The following CLYBL variants were observed in gnomAD, a reference collection of about 807,000 sequenced individuals.
CLYBL encodes the protein citramalyl-CoA lyase, mitochondrial.
A neutral mutation model predicts 38.9 loss-of-function variants in CLYBL; 31 were observed. The ratio of observed to expected loss-of-function variants is 0.80; its 90% CI spans 0.60 to 1.08. The LOEUF (loss-of-function observed/expected upper bound fraction) is 1.08, where lower values mean the gene tolerates loss of function less well. CLYBL is among the 50% of genes least tolerant of loss of function. The pLI, the probability that CLYBL is intolerant of heterozygous loss-of-function variation, is 0.00. For missense variants in CLYBL, 434 were observed against 411.6 expected, an observed-to-expected ratio of 1.05 and a Z score of -0.47; for synonymous variants, 171 against 158.6, an observed-to-expected ratio of 1.08 and a Z score of -0.59.
intron 1 of CLYBL, among the ~76,000 whole-genome samples, chr13:99,670,068 A>G (rs999246432): frequency 6.6e-6 from 1 of 151,854 alleles, no homozygotes; most frequent in Non-Finnish European, 1.5e-5. Flanking sequence ...GCATGGTGGC[A>G]TGCACCTGTA....
intron 1 of CLYBL, among the ~76,000 whole-genome samples, chr13:99,719,682 A>G (rs776088537): frequency 1.3e-5 from 2 of 149,788 alleles, no homozygotes; most frequent in African/African-American, 4.9e-5. Flanking sequence ...AATTTTTTGT[A>G]TTTTTAGTAG....
At chr13:99,841,830 T>TC (rs1246665789) in intron 2 of CLYBL, among the ~76,000 whole-genome samples, 4 of 143,166 alleles carry the variant, frequency 2.8e-5, no homozygotes, top group Admixed American at 7.1e-5. Flanking sequence ...TTTTTTTTTT[T>TC]TCTGAGACAG....
chr13:99,888,836 A>AT (rs1315056591), intron 7 of CLYBL, among the ~76,000 whole-genome samples: 6 of 152,092 alleles, frequency 3.9e-5, no homozygotes, highest in Non-Finnish European at 8.8e-5. Flanking sequence ...GATGAACTGC[A>AT]TTTTTCTAAA....
intron 1 of CLYBL, among the ~76,000 whole-genome samples, chr13:99,673,372 C>T (rs1373665448): frequency 6.7e-6 from 1 of 149,366 alleles, no homozygotes; most frequent in Non-Finnish European, 1.5e-5. Context: ...GAGATAGCAC[C>T]ACTGCACTCT....
chr13:99,674,755 T>C (rs1238213864), intron 1 of CLYBL, among the ~76,000 whole-genome samples: 1 of 152,028 alleles, frequency 6.6e-6, no homozygotes, highest in Non-Finnish European at 1.5e-5. Context: ...AGCAGTAAGA[T>C]AGGATGATTA....
At chr13:99,712,595 C>T (rs1024233361) in intron 1 of CLYBL, among the ~76,000 whole-genome samples, 3 of 151,964 alleles carry the variant, frequency 2.0e-5, no homozygotes, top group African/African-American at 7.3e-5. Flanking sequence ...AATCTCCCTG[C>T]CTTGGCCTCC....
chr13:99,829,906 A>G (rs1444893165), intron 2 of CLYBL, among the ~76,000 whole-genome samples: 3 of 152,210 alleles, frequency 2.0e-5, no homozygotes, highest in African/African-American at 4.8e-5. Flanking sequence ...ATATTGTTGA[A>G]TATGATCATT....
chr13:99,884,105 C>T (rs2052284712), intron 7 of CLYBL, among the ~76,000 whole-genome samples: 1 of 152,204 alleles, frequency 6.6e-6, no homozygotes, highest in African/African-American at 2.4e-5. Flanking sequence ...CGATCTTCCC[C>T]ACTCAGCCCA....
chr13:99,610,156 G>A (rs780528585), intron 1 of CLYBL, among the ~76,000 whole-genome samples: 9 of 152,158 alleles, frequency 5.9e-5, no homozygotes, highest in Non-Finnish European at 1.3e-4. Flanking sequence ...TCTTGCCTTG[G>A]CCTCCAAAGC....
chr13:99,677,594 A>G (rs1047968919), intron 1 of CLYBL, among the ~76,000 whole-genome samples: 2 of 152,246 alleles, frequency 1.3e-5, no homozygotes, highest in East Asian at 1.9e-4. Flanking sequence ...TTTAGTGAAG[A>G]AAGGATATAG....
At chr13:99,612,913 G>A (rs1049862513) in intron 1 of CLYBL, among the ~76,000 whole-genome samples, 5 of 151,968 alleles carry the variant, frequency 3.3e-5, no homozygotes, top group Non-Finnish European at 7.4e-5. Context: ...CACTTGGGAT[G>A]CTGAGGTGGG....
chr13:99,864,482 C>A (rs1278135741), intron 4 of CLYBL, among the ~76,000 whole-genome samples: 1 of 152,124 alleles, frequency 6.6e-6, no homozygotes, highest in Non-Finnish European at 1.5e-5. Context: ...TTACGAGAGT[C>A]TCTTAAAGCA....
At chr13:99,646,329 C>G (rs2047175320) in intron 1 of CLYBL, among the ~76,000 whole-genome samples, 1 of 151,712 alleles carries the variant, frequency 6.6e-6, no homozygotes, top group South Asian at 2.1e-4. Flanking sequence ...TTGGGGTGGC[C>G]TGGGGGAAGA....
intron 1 of CLYBL, among the ~76,000 whole-genome samples, chr13:99,680,942 T>C (rs79573626): frequency 0.011 from 1,605 of 152,336 alleles, 26 homozygotes; most frequent in African/African-American, 0.037. Context: ...CCACACACTC[T>C]TTCCTATTCC....
At chr13:99,651,003 C>T (rs1284119429) in intron 1 of CLYBL, among the ~76,000 whole-genome samples, 1 of 152,224 alleles carries the variant, frequency 6.6e-6, no homozygotes, top group Non-Finnish European at 1.5e-5. Context: ...TCTGCCATGG[C>T]TCATGCTGCT....
At chr13:99,821,957 C>T (rs1013939694) in intron 2 of CLYBL, among the ~76,000 whole-genome samples, 3 of 152,216 alleles carry the variant, frequency 2.0e-5, no homozygotes, top group African/African-American at 7.2e-5. Context: ...GCCAGTGGAA[C>T]ACATGCAGGC....
intron 2 of CLYBL, among the ~76,000 whole-genome samples, chr13:99,840,797 TGAAAAAAGGCA>T (rs567201506): frequency 8.1e-6 from 1 of 123,616 alleles, no homozygotes; most frequent in East Asian, 2.3e-4. Flanking sequence ...CATATGCATA[TGAAAAAAGGCA>T]GAAAACCGTA....
At chr13:99,909,340 G>C (rs965108283) in exon 10 of CLYBL, among the ~76,000 whole-genome samples, 2 of 152,228 alleles carry the variant, frequency 1.3e-5, no homozygotes, top group African/African-American at 2.4e-5. Flanking sequence ...TCATCTCATA[G>C]GGTTGTTAGT....
intron 2 of CLYBL, among the ~76,000 whole-genome samples, chr13:99,835,983 G>A (rs1242559618): frequency 6.6e-6 from 1 of 152,216 alleles, no homozygotes. Context: ...ACGACAAGGG[G>A]CAGCTCAGGG....
Sources: allele counts gnomAD v4.1 joint callset (sites outside exome capture counted in the v4.1 genomes callset), GRCh38; gene constraint gnomAD v4.1.1; transcripts MANE v1.5; gene names NCBI Gene and HGNC (gene_info 2026-07-23, HGNC 2026-07-21).